Variants in TTC34 observed in about 807,000 individuals in gnomAD.
The protein encoded by TTC34 is tetratricopeptide repeat protein 34.
In TTC34, 44 loss-of-function variants were observed where a neutral mutation model predicts 40.7. The ratio of observed to expected loss-of-function variants is 1.08; its 90% CI spans 0.85 to 1.39. The LOEUF (loss-of-function observed/expected upper bound fraction) is 1.39. Ranked by LOEUF, TTC34 falls within the 40% of genes most tolerant of loss-of-function variation. TTC34 has a pLI of 0.00. For synonymous variants in TTC34, 422 were observed against 398.6 expected, an observed-to-expected ratio of 1.06 and a Z score of -0.70; for missense variants, 884 against 838.0, an observed-to-expected ratio of 1.05 and a Z score of -0.68.
intron 6 of TTC34, among the ~76,000 whole-genome samples, chr1:2,654,879 G>A (rs1639286826): frequency 6.8e-6 from 1 of 147,686 alleles, no homozygotes; most frequent in African/African-American, 2.5e-5. Flanking sequence ...AGACAGCCTG[G>A]AGCAGCACCC....
chr1:2,684,378 C>A (rs1193021963), intron 6 of TTC34, among the ~76,000 whole-genome samples: 2 of 151,900 alleles, frequency 1.3e-5, no homozygotes, highest in South Asian at 2.1e-4. Context: ...ATCTGACAGC[C>A]TGGAACAGAA....
At chr1:2,788,190 A>G (rs1180799518) in intron 3 of TTC34, among the ~76,000 whole-genome samples, 1 of 152,252 alleles carries the variant, frequency 6.6e-6, no homozygotes, top group Non-Finnish European at 1.5e-5. Flanking sequence ...TCACATAATG[A>G]AAGTTTCTTA....
rs542216222 is a variant in TTC34, at chr1:2,686,573, C to A, written c.2227-41010G>T. On this transcript the variant is annotated intron_variant, in intron 6 of 8. Coordinates refer to ENST00000401095, the Ensembl canonical transcript of TTC34. ...AACAGCACGCACACACCCAGGTGAG[C>A]ATCTGACCGCCTGGAACAGCACACA... Among the ~76,000 whole-genome samples, 569 of 146,788 alleles carry A rather than the reference C, an allele frequency of 3.9e-3. 1 individual carries two copies. The highest frequency in any genetic ancestry group is 6.6e-3 in the Admixed American group (98 of 14,778).
chr1:2,764,164 T>C (rs1400507685), intron 6 of TTC34, among the ~76,000 whole-genome samples: 1 of 147,098 alleles, frequency 6.8e-6, no homozygotes, highest in Non-Finnish European at 1.5e-5. Context: ...ATCTGACGCA[T>C]AAAACAGCAC....
At chr1:2,688,526 C>A (rs1370610297) in intron 6 of TTC34, among the ~76,000 whole-genome samples, 1 of 144,768 alleles carries the variant, frequency 6.9e-6, no homozygotes. Context: ...TAACAGTACC[C>A]ACACCCACAG....
Position 2,752,044 on chromosome 1 carries a change from C to T in TTC34, c.2226+31565G>A, listed in dbSNP as rs1204325396. Among the ~76,000 whole-genome samples, 4 of 118,230 alleles carry T rather than the reference C, an allele frequency of 3.4e-5. No homozygotes were observed. The East Asian group carries it at 8.9e-4, about 26-fold the overall frequency. The allele number at this position is 118,230 out of a possible 152,430, so 77.6% of individuals were successfully genotyped here. ...AGCATCTGACAGCGTGGAGCAGCAC[C>T]GACACCCCCAGGCGAACATCTGAAC... On this transcript the variant is annotated intron_variant, in intron 6 of 8. Transcript: ENST00000401095.
intron 6 of TTC34, among the ~76,000 whole-genome samples, chr1:2,750,152 C>T (rs1641267635): frequency 1.3e-5 from 2 of 151,008 alleles, no homozygotes; most frequent in Non-Finnish European, 1.5e-5. Context: ...CAGCGTGGAG[C>T]AGAACAAACA....
chr1:2,801,408 T>TG (rs551667369), intron 1 of TTC34, among the ~76,000 whole-genome samples, 169 bp downstream of exon 1: 3 of 151,658 alleles, frequency 2.0e-5, no homozygotes, highest in East Asian at 3.9e-4. Context: ...AGCCCATGGG[T>TG]GGGGGGGTTC....
chr1:2,753,607 G>T (rs1641399718), intron 6 of TTC34, among the ~76,000 whole-genome samples: 1 of 95,500 alleles, frequency 1.0e-5, no homozygotes. Context: ...TCGTGGAGCA[G>T]CACCCCACAC....
intron 6 of TTC34, among the ~76,000 whole-genome samples, chr1:2,691,032 C>G (rs1186198096): frequency 4.7e-5 from 4 of 84,662 alleles, no homozygotes; most frequent in Non-Finnish European, 1.2e-4. Flanking sequence ...AACAGGCGAG[C>G]ATCTGACAGC....
rs1288834950 is a variant in TTC34, at chr1:2,760,451, G to A, written c.2226+23158C>T. Among the ~76,000 whole-genome samples, 4 of 54,298 alleles carry A rather than the reference G, an allele frequency of 7.4e-5. 1 individual carries two copies. Among genetic ancestry groups the A allele is most frequent in the Non-Finnish European group, 1.2e-4 (4 of 34,600 alleles). The allele number at this position is 54,298 out of a possible 152,430, so 35.6% of individuals were successfully genotyped here. On this transcript the variant is annotated intron_variant, in intron 6 of 8. Coordinates refer to ENST00000401095, the Ensembl canonical transcript of TTC34. ...CCTGGAGCAGCATCCACACACCCAG[G>A]CGAGAATCTGACAGCCTGGAACACC...
At chr1:2,783,754 A>G (rs1378746926) in exon 6 of TTC34, 2 of 1,526,876 alleles carry the variant, frequency 1.3e-6, no homozygotes, top group African/African-American at 1.4e-5. Flanking sequence ...TCGGGCAAGG[A>G]GGGACTCACT....
Position 2,644,778 on chromosome 1 carries a change from T to TGG in TTC34, c.2498-302_2498-301dup, listed in dbSNP as rs797019935. 3.3e-5 allele frequency among the ~76,000 whole-genome samples: 5 copies of TGG among 152,304 alleles called. No homozygotes were observed. The South Asian group carries it at 8.3e-4, about 25-fold the overall frequency. On this transcript the variant is annotated intron_variant, in intron 7 of 8. Coordinates refer to ENST00000401095, the Ensembl canonical transcript of TTC34. ...GGGCCTGCTGGCGCAGAGTGGCATGTGGGGAGCAGCCCTGGGGCCCCTGAA... is the reference window on the plus strand; with the variant it reads ...GGGCCTGCTGGCGCAGAGTGGCATGTGGGGGGAGCAGCCCTGGGGCCCCTGAA...
At chr1:2,681,946 C>T (rs1236555820) in intron 6 of TTC34, among the ~76,000 whole-genome samples, 2 of 109,814 alleles carry the variant, frequency 1.8e-5, no homozygotes, top group South Asian at 2.9e-4. Context: ...GCACCAACAC[C>T]CCAAGGCGAG....
chr1:2,774,034 T>A (rs1178629678), intron 6 of TTC34: 1 of 147,840 alleles, frequency 6.8e-6, no homozygotes, highest in Non-Finnish European at 1.5e-5. Context: ...CAGGCAAAAA[T>A]CTGACAGCAT....
chr1:2,783,745 C>G lies in TTC34; in HGVS notation c.2090G>C (p.Arg697Pro), dbSNP rs773168240. Residue 697 changes from arginine (R) to proline (P), a missense_variant, in exon 6 of 9, where the codon CGA becomes CCA. Transcript: ENST00000401095. ...GCCCAGGAACCCATAGCAGCGGGCT[C>G]GGGCAAGGAGGGACTCACTTGCCTG... 6 of 1,537,304 alleles carry G rather than the reference C, an allele frequency of 3.9e-6. No individual in the cohort carries two copies. The East Asian group carries it at 9.9e-5, about 25-fold the overall frequency.
intron 6 of TTC34, among the ~76,000 whole-genome samples, chr1:2,749,459 T>G (rs1484397594): frequency 0.073 from 4,185 of 57,348 alleles, 10 homozygotes; most frequent in Middle Eastern, 0.15. Flanking sequence ...GGTGAGCATC[T>G]GACGGCCTGG....
chr1:2,789,445 T>A (rs1192340488), intron 3 of TTC34, 58 bp downstream of exon 3: 2 of 1,448,324 alleles, frequency 1.4e-6, no homozygotes, highest in Non-Finnish European at 1.8e-6. Context: ...CATCCGTCGC[T>A]ACCTCGAAGG....
At chr1:2,700,014 C>T (rs1291987749) in intron 6 of TTC34, among the ~76,000 whole-genome samples, 5 of 120,140 alleles carry the variant, frequency 4.2e-5, no homozygotes, top group South Asian at 2.5e-4. Flanking sequence ...CGTCCACACC[C>T]CCAGGTGAGC....
Sources: allele counts gnomAD v4.1 joint callset (sites outside exome capture counted in the v4.1 genomes callset), GRCh38; gene constraint gnomAD v4.1.1; transcripts MANE v1.5; gene names NCBI Gene and HGNC (gene_info 2026-07-23, HGNC 2026-07-21).